ADD2: variants seen among roughly 807,000 people sequenced by gnomAD.
ADD2 encodes adducin 2.
A neutral mutation model predicts 83.0 loss-of-function variants in ADD2; 23 were observed. That is an observed-to-expected ratio of 0.28 (90% confidence interval 0.20 to 0.39). The LOEUF (loss-of-function observed/expected upper bound fraction) is 0.39, where lower values mean the gene tolerates loss of function less well. ADD2 is among the 10% of genes least tolerant of loss of function. ADD2 has a pLI of 1.00. For missense variants in ADD2, 758 were observed against 944.9 expected (o/e 0.80, Z 2.59); for synonymous variants, 375 against 375.4 (o/e 1.00, Z 0.01).
intron 10 of ADD2, among the ~76,000 whole-genome samples, chr2:70,682,734 C>T (rs1222424625): frequency 6.6e-6 from 1 of 152,148 alleles, no homozygotes; most frequent in Non-Finnish European, 1.5e-5. Context: ...TGTTAGCCCT[C>T]AGAAGAAGAA....
intron 1 of ADD2, among the ~76,000 whole-genome samples, chr2:70,729,717 A>T (rs1673184405): frequency 6.6e-6 from 1 of 152,094 alleles, no homozygotes; most frequent in African/African-American, 2.4e-5. Flanking sequence ...CTAAGGAAAA[A>T]CCACAGTTGC....
At chr2:70,712,720 G>C (rs766603919) in intron 2 of ADD2, among the ~76,000 whole-genome samples, 4 of 152,154 alleles carry the variant, frequency 2.6e-5, no homozygotes, top group Admixed American at 1.3e-4. Context: ...CTGAGGGCAT[G>C]GGGGAGAACT....
At chr2:70,730,152 A>G (rs972633353) in intron 1 of ADD2, among the ~76,000 whole-genome samples, 1 of 152,236 alleles carries the variant, frequency 6.6e-6, no homozygotes, top group Non-Finnish European at 1.5e-5. Flanking sequence ...AGTGTCAAGA[A>G]AATGAATCCT....
intron 1 of ADD2, among the ~76,000 whole-genome samples, chr2:70,758,472 G>C (rs999847382): frequency 9.9e-5 from 15 of 152,162 alleles, no homozygotes; most frequent in Admixed American, 2.6e-4. Flanking sequence ...CAGAAAAATG[G>C]AGTAGTTCAG....
In ADD2 at chr2:70,663,612, C is replaced by A. The variant is rs782242312; in HGVS notation, c.1994G>T (p.Gly665Val). 1 of 1,614,130 alleles carries A rather than the reference C, an allele frequency of 6.2e-7. No individual in the cohort carries two copies. The highest frequency in any genetic ancestry group is 8.5e-7 in the Non-Finnish European group (1 of 1,180,040). Residue 665 changes from glycine to valine, a missense_variant, in exon 16 of 16, where the codon GGC becomes GTC. Gly to Val is a moderately radical substitution (Grantham distance 109, BLOSUM62 -3). Coordinates refer to ENST00000264436, the MANE Select transcript of ADD2 (RefSeq NM_001617.4). ...AGCACTGGTGGTCATCTGGCTCAGG[C>A]CTTTGCTGAGGATTTCCTCTGCCGT... ...EQTAEEILSKGLSQMTTSADT... is the reference protein window; with the variant it reads ...EQTAEEILSKVLSQMTTSADT...
chr2:70,720,351 G>A (rs1383591474), intron 1 of ADD2, among the ~76,000 whole-genome samples: 3 of 151,686 alleles, frequency 2.0e-5, no homozygotes, highest in Admixed American at 2.0e-4. Flanking sequence ...AGGCTCACAT[G>A]GGGAACTGCT....
intron 1 of ADD2, among the ~76,000 whole-genome samples, chr2:70,761,591 G>GAAAA (rs78804683): frequency 5.0e-5 from 2 of 39,846 alleles, no homozygotes; most frequent in African/African-American, 8.6e-5. Flanking sequence ...CTGGGTGACA[G>GAAAA]AAAAAAAAAA....
intron 1 of ADD2, among the ~76,000 whole-genome samples, chr2:70,733,968 A>G (rs1260163942): frequency 6.6e-6 from 1 of 152,184 alleles, no homozygotes; most frequent in African/African-American, 2.4e-5. Context: ...CAAGGAAACC[A>G]GTCCGTTCTT....
rs1662299302 is a variant in ADD2, at chr2:70,676,229, A to G, written c.1593+567T>C. 2 of 986,942 alleles carry G rather than the reference A, an allele frequency of 2.0e-6. No homozygotes were observed. The highest frequency in any genetic ancestry group is 3.5e-5 in the African/African-American group (2 of 57,454). 61.1% of individuals were successfully genotyped at this position (986,942 alleles called of 1,614,324 possible). Reference sequence around the variant, plus strand: ...CCTTTTGCTAAGCACTAGACAAAACACTGTTCTATCTCAAGCACAAAAACA... The same window carrying G: ...CCTTTTGCTAAGCACTAGACAAAACGCTGTTCTATCTCAAGCACAAAAACA... On this transcript the variant is annotated intron_variant, in intron 13 of 15. Coordinates refer to ENST00000264436, the MANE Select transcript of ADD2 (RefSeq NM_001617.4). The surrounding 1 kb of genome is among the most constrained non-coding windows in gnomAD (Gnocchi z 4.8).
intron 9 of ADD2, among the ~76,000 whole-genome samples, chr2:70,684,975 A>G (rs1408330102): frequency 2.0e-5 from 3 of 152,164 alleles, no homozygotes; most frequent in Non-Finnish European, 2.9e-5. Context: ...ACCCTCATGT[A>G]TCTACCACTC....
At chr2:70,687,346 T>C (rs1332593257) in intron 9 of ADD2, 1 of 152,734 alleles carries the variant, frequency 6.5e-6, no homozygotes, top group Non-Finnish European at 1.5e-5. Flanking sequence ...CCTTGTTGTC[T>C]ATACAACTAC....
intron 1 of ADD2, among the ~76,000 whole-genome samples, chr2:70,732,038 C>T (rs1673308971): frequency 6.6e-6 from 1 of 152,078 alleles, no homozygotes; most frequent in Non-Finnish European, 1.5e-5. Context: ...GACCTGATGC[C>T]CCAAGGTAAT....
rs782631704 is a variant in ADD2 at position 70,678,710 on chromosome 2, C to T, written c.1377G>A (p.Lys459=). 6.4e-7 allele frequency: 1 copy of T among 1,562,504 alleles called. No homozygotes were observed. Among genetic ancestry groups the T allele is most frequent in the East Asian group, 2.2e-5 (1 of 44,482 alleles). The change falls in exon 11 of 16, where the codon AAG becomes AAA. Residue 459 remains lysine (K), a synonymous_variant. Transcript: ENST00000264436. The part of the protein sequence containing the change: ...VQRSMGSPRP[K]TTWMKADEVE... ...GTCCTGGGCTCCCCCTTACCGTGGT[C>T]TTGGGTCGGGGGCTGCCCATGCTCC...
intron 1 of ADD2, chr2:70,760,505 T>C (rs2104558163): frequency 6.6e-6 from 1 of 152,340 alleles, no homozygotes; most frequent in Non-Finnish European, 1.5e-5. Context: ...AATGGTACAG[T>C]TCTAATTTTT....
rs184143545 is a variant in ADD2, at chr2:70,674,095, G to T, written c.1741+583C>A. ...TCAATTTGGGTGGAGTAGAGAGGGT[G>T]ACAGGGAGGCCCTTCCTAGCTGGAG... On this transcript the variant is annotated intron_variant, in intron 14 of 15. Transcript: ENST00000264436. Among the ~76,000 whole-genome samples, 183 of 152,302 alleles carry T rather than the reference G, an allele frequency of 1.2e-3. 1 individual carries two copies. Among genetic ancestry groups the T allele is most frequent in the Admixed American group, 2.4e-3 (37 of 15,294 alleles).
chr2:70,752,085 C>G (rs1268510587), intron 1 of ADD2, among the ~76,000 whole-genome samples: 1 of 152,200 alleles, frequency 6.6e-6, no homozygotes, highest in Admixed American at 6.5e-5. Context: ...ACTACAAATT[C>G]TGTAACACAC....
chr2:70,739,721 G>A (rs1553380744), intron 1 of ADD2, among the ~76,000 whole-genome samples: 1 of 152,214 alleles, frequency 6.6e-6, no homozygotes, highest in Non-Finnish European at 1.5e-5. Context: ...TCCTTCGCAG[G>A]CACATGGGTG....
Position 70,695,903 on chromosome 2 carries a change from G to A in ADD2, c.475-102C>T, listed in dbSNP as rs1574255013. On this transcript the variant is annotated intron_variant, in intron 5 of 15. Coordinates refer to ENST00000264436, the MANE Select transcript of ADD2 (RefSeq NM_001617.4). ...CTTCCCCTGAATCTACTGCACCCAA[G>A]TCCATCTCTAATGAACCCTTATCTC... The A allele has an allele frequency of 4.0e-6, 4 of 994,530 alleles. No homozygotes were observed. The East Asian group carries it at 1.0e-4, about 26-fold the overall frequency. 61.6% of individuals were successfully genotyped at this position (994,530 alleles called of 1,614,324 possible). A position where few individuals can be genotyped will look rare whatever the true frequency, so the allele number is the denominator to read the frequency against.
rs566029377 is a variant in ADD2 at position 70,689,436 on chromosome 2, G to GA, written c.850-1315dup. Among the ~76,000 whole-genome samples the GA allele has an allele frequency of 7.2e-5, 11 of 152,346 alleles. No individual in the cohort carries two copies. In the East Asian group the frequency reaches 2.1e-3, roughly 29 times the overall value. On this transcript the variant is annotated intron_variant, in intron 8 of 15. Transcript: ENST00000264436. ...TCTAAACATCACATCCTCTCCTGTTGAAAACAGCTGGTATTTTTTCCTCTC... is the reference window on the plus strand; with the variant it reads ...TCTAAACATCACATCCTCTCCTGTTGAAAAACAGCTGGTATTTTTTCCTCTC...
Sources: allele counts gnomAD v4.1 joint callset (sites outside exome capture counted in the v4.1 genomes callset), GRCh38; gene constraint gnomAD v4.1.1; non-coding constraint Gnocchi (gnomAD v3.1); transcripts MANE v1.5; gene names NCBI Gene and HGNC (gene_info 2026-07-23, HGNC 2026-07-21).